The following AK5 variants were observed in gnomAD, a reference collection of about 807,000 sequenced individuals.
AK5 encodes adenylate kinase 5.
Under a neutral mutation model 69.5 loss-of-function variants are expected in AK5, and 27 were observed. That is an observed-to-expected ratio of 0.39 (90% CI 0.29 to 0.54). The LOEUF (loss-of-function observed/expected upper bound fraction) is 0.54, where lower values mean the gene tolerates loss of function less well. AK5 is among the 20% of genes least tolerant of loss of function. The pLI is 0.71. For synonymous variants in AK5, 260 were observed against 244.4 expected, an observed-to-expected ratio of 1.06 and a Z score of -0.60; for missense variants, 531 against 700.4, an observed-to-expected ratio of 0.76 and a Z score of 2.73.
At chr1:77,463,105 T>A (rs996951261) in intron 8 of AK5, among the ~76,000 whole-genome samples, 1 of 152,178 alleles carries the variant, frequency 6.6e-6, no homozygotes, top group African/African-American at 2.4e-5. Flanking sequence ...AATTATAGAA[T>A]TTATAGACGT....
At chr1:77,390,710 T>C (rs1445632144) in intron 6 of AK5, among the ~76,000 whole-genome samples, 3 of 152,194 alleles carry the variant, frequency 2.0e-5, no homozygotes, top group Non-Finnish European at 4.4e-5. Flanking sequence ...TGTTTAAAAG[T>C]TCTTAAATAA....
At chr1:77,441,936 C>G (rs1256360466) in intron 8 of AK5, among the ~76,000 whole-genome samples, 2 of 152,076 alleles carry the variant, frequency 1.3e-5, no homozygotes, top group African/African-American at 2.4e-5. Context: ...TGAGGTACCC[C>G]CTAGCAGCTT....
chr1:77,289,736 A>T (rs1430163685), intron 2 of AK5, among the ~76,000 whole-genome samples: 1 of 151,944 alleles, frequency 6.6e-6, no homozygotes. Flanking sequence ...AGTCAAGTAC[A>T]CCTGTAGTCC....
chr1:77,522,847 T>C (rs1018773166), intron 12 of AK5, among the ~76,000 whole-genome samples: 1 of 152,214 alleles, frequency 6.6e-6, no homozygotes, highest in Non-Finnish European at 1.5e-5. Flanking sequence ...AGATATCTCT[T>C]CAGACTAGTT....
At chr1:77,432,065 G>A (rs907192598) in intron 8 of AK5, among the ~76,000 whole-genome samples, 1 of 152,062 alleles carries the variant, frequency 6.6e-6, no homozygotes, top group Non-Finnish European at 1.5e-5. Context: ...TCCCTTTATG[G>A]CCTTCCCAAG....
chr1:77,469,721 T>C (rs1654349231), intron 8 of AK5, among the ~76,000 whole-genome samples: 1 of 152,278 alleles, frequency 6.6e-6, no homozygotes, highest in South Asian at 2.1e-4. Context: ...CTCATTTTCA[T>C]GTCCTCATGA....
chr1:77,338,688 G>A (rs1329130506), intron 5 of AK5, among the ~76,000 whole-genome samples: 1 of 152,182 alleles, frequency 6.6e-6, no homozygotes, highest in Non-Finnish European at 1.5e-5. Flanking sequence ...GGGATCTGAG[G>A]AGGAACAAAT....
intron 8 of AK5, among the ~76,000 whole-genome samples, chr1:77,453,814 T>G (rs1444891865): frequency 1.3e-5 from 2 of 152,230 alleles, no homozygotes; most frequent in African/African-American, 2.4e-5. Flanking sequence ...GACTTTATTA[T>G]TAGCAACAAC....
rs1660119983 is a variant in AK5 at position 77,314,216 on chromosome 1, A to G, written c.699+16269A>G. 1.8e-5 allele frequency: 5 copies of G among 275,120 alleles called. No homozygotes were observed. In the South Asian group the frequency reaches 1.9e-4, roughly 11 times the overall value. 17.0% of individuals were successfully genotyped at this position (275,120 alleles called of 1,614,324 possible). A position where few individuals can be genotyped will look rare whatever the true frequency, so the allele number is the denominator to read the frequency against. On this transcript the variant is annotated intron_variant, in intron 5 of 13. Transcript: ENST00000354567. ...CAAGGAGGCTGGAGAATCTGCTCCA[A>G]GTCACATGTATCAAGAGGCAGAGGT...
chr1:77,331,541 A>G (rs1164138026), intron 5 of AK5, among the ~76,000 whole-genome samples: 1 of 152,148 alleles, frequency 6.6e-6, no homozygotes, highest in Non-Finnish European at 1.5e-5. Flanking sequence ...TGAAAGGTAA[A>G]TCAATTTTTC....
intron 5 of AK5, among the ~76,000 whole-genome samples, chr1:77,308,448 A>C (rs1779176): frequency 0.17 from 23,232 of 139,088 alleles, 2,300 homozygotes; most frequent in African/African-American, 0.26. Flanking sequence ...AAAAAAAAAA[A>C]AAAAAAAAAA....
intron 6 of AK5, among the ~76,000 whole-genome samples, chr1:77,389,355 A>G (rs1648261613): frequency 6.6e-6 from 1 of 152,248 alleles, no homozygotes. Flanking sequence ...AAAGTGGATG[A>G]ATCAATGGCT....
chr1:77,282,769 G>T (rs967707990), intron 1 of AK5: 13 of 1,008,582 alleles, frequency 1.3e-5, no homozygotes, highest in Non-Finnish European at 1.5e-5. Flanking sequence ...AACTGAGGGA[G>T]CCAGAGCCCT....
At chr1:77,549,963 T>TA (rs201963705) in intron 13 of AK5, among the ~76,000 whole-genome samples, 12 of 151,594 alleles carry the variant, frequency 7.9e-5, no homozygotes, top group Middle Eastern at 3.4e-3. Context: ...TTTATTTATT[T>TA]TTTTTTTTTA....
intron 8 of AK5, among the ~76,000 whole-genome samples, chr1:77,430,011 T>C (rs186214139): frequency 1.4e-3 from 212 of 151,294 alleles, no homozygotes; most frequent in African/African-American, 4.9e-3. Context: ...CCTTGAAGAG[T>C]TGGGGTTTCT....
chr1:77,354,235 A>G (rs1194187304), intron 6 of AK5, among the ~76,000 whole-genome samples: 1 of 152,170 alleles, frequency 6.6e-6, no homozygotes, highest in African/African-American at 2.4e-5. Flanking sequence ...CAACAACCCC[A>G]CTGAGGAATT....
intron 6 of AK5, among the ~76,000 whole-genome samples, chr1:77,380,826 G>A (rs968881272): frequency 6.6e-6 from 1 of 152,156 alleles, no homozygotes; most frequent in African/African-American, 2.4e-5. Flanking sequence ...AGGGAAGATA[G>A]GAATTAGCTG....
chr1:77,289,862 CAAAAAAAAAAAAA>C (rs55819317), intron 2 of AK5, among the ~76,000 whole-genome samples: 3 of 64,702 alleles, frequency 4.6e-5, no homozygotes, highest in Non-Finnish European at 8.2e-5. Flanking sequence ...GACTCCGTCT[CAAAAAAAAAAAAA>C]AAAAAAAAAA....
chr1:77,308,518 T>C (rs1370811797), intron 5 of AK5, among the ~76,000 whole-genome samples: 4 of 150,710 alleles, frequency 2.7e-5, no homozygotes, highest in Admixed American at 2.0e-4. Context: ...GGAATCAAGA[T>C]GGGCAAGCAT....
Sources: gnomAD v4.1 joint callset for allele counts (sites outside exome capture counted in the v4.1 genomes callset) on GRCh38, gnomAD v4.1.1 for gene constraint, MANE v1.5 for transcripts, NCBI Gene and HGNC (gene_info 2026-07-23, HGNC 2026-07-21) for gene names.